PIP5K1B: variants seen among roughly 807,000 people sequenced by gnomAD.
PIP5K1B encodes phosphatidylinositol-4-phosphate 5-kinase type 1 beta, also known as phosphatidylinositol 4-phosphate 5-kinase type-1 beta.
A neutral mutation model predicts 67.0 loss-of-function variants in PIP5K1B; 42 were observed. That is an observed-to-expected ratio of 0.63 (90% CI 0.49 to 0.81). PIP5K1B has a LOEUF of 0.81. PIP5K1B is among the 30% of genes least tolerant of loss of function. The pLI is 0.00. For synonymous variants in PIP5K1B, 214 were observed against 231.4 expected (o/e 0.92, Z 0.68); for missense variants, 459 against 646.3 (o/e 0.71, Z 3.14).
At chr9:68,826,447 T>G (rs180801365) in intron 4 of PIP5K1B, among the ~76,000 whole-genome samples, 5 of 152,224 alleles carry the variant, frequency 3.3e-5, no homozygotes, top group African/African-American at 1.2e-4. Context: ...GATTTTGATA[T>G]GAAATCTGCC....
intron 6 of PIP5K1B, among the ~76,000 whole-genome samples, chr9:68,888,325 A>G (rs937338199): frequency 2.6e-5 from 4 of 152,224 alleles, no homozygotes; most frequent in African/African-American, 9.6e-5. Context: ...CCAGAGCTGC[A>G]TCTACCAAGA....
rs200702452 is a variant in PIP5K1B at position 68,961,221 on chromosome 9, A to AAAAG, written c.1502+20434_1502+20435insGAAA. ...GACAGAGCGAGACTCCGTCTCAAAA[A>AAAAG]AAAAAAAAAAAAGCGTGTCACCACA... On this transcript the variant is annotated intron_variant, in intron 14 of 15. Coordinates refer to ENST00000265382, the MANE Select transcript of PIP5K1B (RefSeq NM_003558.4). Among the ~76,000 whole-genome samples, 255 of 93,256 alleles carry AAAAG rather than the reference A, an allele frequency of 2.7e-3. 1 individual carries two copies. Among genetic ancestry groups the AAAAG allele is most frequent in the African/African-American group, 0.01 (191 of 18,496 alleles). The allele number at this position is 93,256 out of a possible 152,430, so 61.2% of individuals were successfully genotyped here.
intron 4 of PIP5K1B, among the ~76,000 whole-genome samples, chr9:68,842,197 G>C (rs1821953030): frequency 6.6e-6 from 1 of 152,176 alleles, no homozygotes. Context: ...ATCTGCTGTG[G>C]GACACAGTAG....
intron 5 of PIP5K1B, among the ~76,000 whole-genome samples, chr9:68,868,605 C>A (rs1203432039): frequency 1.3e-5 from 2 of 152,144 alleles, no homozygotes; most frequent in Non-Finnish European, 2.9e-5. Context: ...TGAATCAGAA[C>A]AAGTGTCCAG....
intron 2 of PIP5K1B, among the ~76,000 whole-genome samples, chr9:68,747,217 T>A (rs568814706): frequency 6.7e-6 from 1 of 149,624 alleles, no homozygotes; most frequent in Non-Finnish European, 1.5e-5. Flanking sequence ...TGGGTGTACT[T>A]GCTTCAGGAG....
chr9:68,719,811 A>G (rs1827800241), intron 1 of PIP5K1B, among the ~76,000 whole-genome samples: 1 of 152,250 alleles, frequency 6.6e-6, no homozygotes, highest in Non-Finnish European at 1.5e-5. Context: ...ATGACAATTT[A>G]TAATGCAAAC....
chr9:68,735,477 C>T (rs951600741), intron 1 of PIP5K1B, among the ~76,000 whole-genome samples: 3 of 152,026 alleles, frequency 2.0e-5, no homozygotes, highest in African/African-American at 7.3e-5. Flanking sequence ...AAACCTCTGA[C>T]TCCCGGGTTC....
At chr9:68,984,154 A>G (rs577602084) in intron 14 of PIP5K1B, among the ~76,000 whole-genome samples, 1 of 152,344 alleles carries the variant, frequency 6.6e-6, no homozygotes, top group East Asian at 1.9e-4. Flanking sequence ...TTCTCATTTT[A>G]CATATGGGAA....
At chr9:68,970,678 T>C (rs998170545) in intron 14 of PIP5K1B, among the ~76,000 whole-genome samples, 1 of 152,238 alleles carries the variant, frequency 6.6e-6, no homozygotes, top group Non-Finnish European at 1.5e-5. Context: ...AAAATCATGT[T>C]CATTTAAATT....
At chr9:68,928,016 C>T (rs902184170) in intron 12 of PIP5K1B, among the ~76,000 whole-genome samples, 4 of 151,926 alleles carry the variant, frequency 2.6e-5, no homozygotes, top group Non-Finnish European at 4.4e-5. Context: ...CCTATTCTTT[C>T]CCCTTATTGA....
At chr9:68,735,639 C>T (rs1376727124) in intron 1 of PIP5K1B, among the ~76,000 whole-genome samples, 3 of 152,164 alleles carry the variant, frequency 2.0e-5, no homozygotes, top group Non-Finnish European at 4.4e-5. Flanking sequence ...ATCCGCTTGC[C>T]TCAGCCTCCC....
At chr9:68,994,894 G>C (rs967372776) in intron 15 of PIP5K1B, among the ~76,000 whole-genome samples, 5 of 151,930 alleles carry the variant, frequency 3.3e-5, no homozygotes, top group African/African-American at 1.2e-4. Context: ...ATAGAAATAA[G>C]ATTTTCCAAG....
At chr9:68,880,992 G>C (rs1054917131) in intron 6 of PIP5K1B, among the ~76,000 whole-genome samples, 9 of 152,212 alleles carry the variant, frequency 5.9e-5, no homozygotes, top group African/African-American at 2.2e-4. Flanking sequence ...GCATGCTTGA[G>C]TGTCAGGTAT....
chr9:68,841,987 G>A lies in PIP5K1B; in HGVS notation c.69+19304G>A, dbSNP rs367931979. ...TGCTGAGTGCAGAAAGCCACACTGTGGCTCAGGTCCTGGGCCCTGGCCCTC... is the reference window on the plus strand; with the variant it reads ...TGCTGAGTGCAGAAAGCCACACTGTAGCTCAGGTCCTGGGCCCTGGCCCTC... On this transcript the variant is annotated intron_variant, in intron 4 of 15. Coordinates refer to ENST00000265382, the MANE Select transcript of PIP5K1B (RefSeq NM_003558.4). Among the ~76,000 whole-genome samples, 5 of 152,316 alleles carry A rather than the reference G, an allele frequency of 3.3e-5. 1 individual carries two copies. The highest frequency in any genetic ancestry group is 1.2e-4 in the African/African-American group (5 of 41,570).
intron 2 of PIP5K1B, among the ~76,000 whole-genome samples, chr9:68,799,447 A>G (rs1832472705): frequency 6.6e-6 from 1 of 152,216 alleles, no homozygotes; most frequent in Admixed American, 6.5e-5. Flanking sequence ...CAATCTTGAG[A>G]AAGAAGAGCA....
At chr9:68,738,157 T>C (rs1828831204) in intron 1 of PIP5K1B, among the ~76,000 whole-genome samples, 1 of 152,184 alleles carries the variant, frequency 6.6e-6, no homozygotes, top group South Asian at 2.1e-4. Context: ...AAAATTCATA[T>C]GTATGTGGCT....
At chr9:68,795,903 GAT>G (rs1832265871) in intron 2 of PIP5K1B, among the ~76,000 whole-genome samples, 2 of 152,086 alleles carry the variant, frequency 1.3e-5, no homozygotes, top group African/African-American at 4.8e-5. Flanking sequence ...ACTTTCATAA[GAT>G]ATGTATTTTA....
At chr9:68,747,312 T>G (rs1443979926) in intron 2 of PIP5K1B, among the ~76,000 whole-genome samples, 1 of 150,566 alleles carries the variant, frequency 6.6e-6, no homozygotes, top group African/African-American at 2.5e-5. Context: ...GCAGTTGAAG[T>G]TTGTTGCTTA....
At chr9:68,772,295 T>A (rs977226674) in intron 2 of PIP5K1B, among the ~76,000 whole-genome samples, 2 of 152,244 alleles carry the variant, frequency 1.3e-5, no homozygotes, top group Non-Finnish European at 2.9e-5. Flanking sequence ...TTCTCTCAGT[T>A]GCTCTTCTTA....
Sources: gnomAD v4.1 joint callset for allele counts (sites outside exome capture counted in the v4.1 genomes callset) on GRCh38, gnomAD v4.1.1 for gene constraint, MANE v1.5 for transcripts, NCBI Gene and HGNC (gene_info 2026-07-23, HGNC 2026-07-21) for gene names.